CNIH4: variants seen among roughly 807,000 people sequenced by gnomAD.
CNIH4 encodes the protein protein cornichon homolog 4.
In CNIH4, 9 loss-of-function variants were observed where a neutral mutation model predicts 21.5. The observed-to-expected ratio is 0.42, with a 90% confidence interval of 0.25 to 0.73. The LOEUF (loss-of-function observed/expected upper bound fraction) is 0.73, where lower values mean the gene tolerates loss of function less well. Among genes scored for constraint, CNIH4 ranks in the 30% least tolerant of loss-of-function variants. The probability of loss-of-function intolerance (pLI) is 0.27; values close to 1 mark genes in which losing one functional copy is unlikely to be tolerated. For missense variants in CNIH4, 159 were observed against 170.0 expected (o/e 0.94, Z 0.36); for synonymous variants, 67 against 59.1 (o/e 1.13, Z -0.61).
intron 3 of CNIH4, among the ~76,000 whole-genome samples, chr1:224,366,627 G>A (rs1672463028): frequency 1.3e-5 from 2 of 152,026 alleles, no homozygotes; most frequent in South Asian, 4.1e-4. Flanking sequence ...GGGATTACAG[G>A]TGTGAGCCAC....
In CNIH4 at chr1:224,377,750, G is replaced by A. The variant is rs1234125607; in HGVS notation, c.*1928G>A. 1 of 152,244 alleles carries A rather than the reference G, an allele frequency of 6.6e-6. No homozygotes were observed. Among genetic ancestry groups the A allele is most frequent in the Non-Finnish European group, 1.5e-5 (1 of 68,126 alleles). The allele number at this position is 152,244 out of a possible 1,614,324, so 9.4% of individuals were successfully genotyped here. The stretch of plus-strand genomic sequence containing the variant: ...CTGCCTTGGTCTCCCAAAGTGCTGG[G>A]ATTATAGGTGTGAGCCACTGCGCCT... On this transcript the variant is annotated 3_prime_UTR_variant, in exon 5 of 5. Coordinates refer to ENST00000465271, the MANE Select transcript of CNIH4 (RefSeq NM_014184.4).
At position 224,377,842 on chromosome 1, in the gene CNIH4, C is replaced by T. The variant is rs1672822834; in HGVS notation, c.*2020C>T. ...ATTCAGATATTCTTAGTAACCAAAA[C>T]AGTGACTCATGCAGTTGAGAGAGCC... is the stretch of plus-strand genomic sequence containing the variant. On this transcript the variant is annotated 3_prime_UTR_variant, in exon 5 of 5. Transcript: ENST00000465271. The T allele has an allele frequency of 6.6e-6, 1 of 152,144 alleles. No individual in the cohort carries two copies. The highest frequency in any genetic ancestry group is 2.4e-5 in the African/African-American group (1 of 41,414). The allele number at this position is 152,144 out of a possible 1,614,324, so 9.4% of individuals were successfully genotyped here. A position where few individuals can be genotyped will look rare whatever the true frequency, so the allele number is the denominator to read the frequency against.
chr1:224,373,891 G>A (rs1558401363), intron 4 of CNIH4, among the ~76,000 whole-genome samples: 1 of 152,138 alleles, frequency 6.6e-6, no homozygotes, highest in Non-Finnish European at 1.5e-5. Flanking sequence ...TAATTTTGGG[G>A]CAGGTTTAAG....
chr1:224,365,457 G>C (rs185189038), intron 2 of CNIH4, among the ~76,000 whole-genome samples: 2 of 152,036 alleles, frequency 1.3e-5, no homozygotes, highest in East Asian at 3.8e-4. Context: ...TGGTTTCCTC[G>C]GGATTCTGGA....
At chr1:224,366,755 T>G (rs1409359008) in intron 3 of CNIH4, among the ~76,000 whole-genome samples, 1 of 150,462 alleles carries the variant, frequency 6.6e-6, no homozygotes, top group Non-Finnish European at 1.5e-5. Context: ...GGTCAGGAGA[T>G]CGAGACCATC....
intron 3 of CNIH4, among the ~76,000 whole-genome samples, chr1:224,366,885 G>T (rs1345024756): frequency 1.3e-5 from 2 of 151,748 alleles, no homozygotes; most frequent in Non-Finnish European, 2.9e-5. Context: ...ATGGCGTGAA[G>T]CCGGGAGGCG....
intron 2 of CNIH4, among the ~76,000 whole-genome samples, chr1:224,363,615 A>G (rs1672364244): frequency 6.6e-6 from 1 of 152,144 alleles, no homozygotes; most frequent in South Asian, 2.1e-4. Flanking sequence ...GTGCACCACC[A>G]TGCCTGGCTG....
chr1:224,358,725 T>A (rs1345651013), intron 1 of CNIH4, among the ~76,000 whole-genome samples: 1 of 152,158 alleles, frequency 6.6e-6, no homozygotes, highest in Non-Finnish European at 1.5e-5. Flanking sequence ...TGTAGCTGGG[T>A]TTTTTCTTTT....
rs1275436264 is a variant in CNIH4, at chr1:224,376,665, T to A, written c.*843T>A. The A allele has an allele frequency of 1.0e-6, 1 of 985,312 alleles. No individual in the cohort carries two copies. The highest frequency in any genetic ancestry group is 1.2e-6 in the Non-Finnish European group (1 of 829,950). The allele number at this position is 985,312 out of a possible 1,614,324, so 61.0% of individuals were successfully genotyped here. On this transcript the variant is annotated 3_prime_UTR_variant, in exon 5 of 5. Transcript: ENST00000465271. ...CTGTCTGTGAAATTGAGCCTTTTGG[T>A]GCGCCACGTGGTGCCAGATCAACAC... is the stretch of plus-strand genomic sequence containing the variant.
chr1:224,375,819 C>T lies in CNIH4; in HGVS notation c.417C>T (p.Asp139=). 1.9e-6 allele frequency: 3 copies of T among 1,613,994 alleles called. No individual in the cohort carries two copies. The highest frequency in any genetic ancestry group is 2.5e-6 in the Non-Finnish European group (3 of 1,179,962). The change falls in exon 5 of 5, where the codon GAC becomes GAT. Residue 139 remains aspartate, a synonymous_variant. Transcript: ENST00000465271. ...GTATGATCTTAGCTTTGATAAATGA[C>T]TGAAGCTGGAGAAGCCGTGGTTGAA... is the stretch of plus-strand genomic sequence containing the variant. ...LYSMILALIN[D] is the part of the protein sequence containing the mutation.
chr1:224,369,675 ATTT>A (rs1193576882), intron 3 of CNIH4, among the ~76,000 whole-genome samples: 4 of 127,612 alleles, frequency 3.1e-5, no homozygotes, highest in Non-Finnish European at 1.6e-5. Context: ...CCCTGATGTG[ATTT>A]TTTTTTTTTT....
rs756392228 is a variant in CNIH4, at chr1:224,365,874, T to G, written c.139-5T>G. The G allele has an allele frequency of 7.2e-6, 11 of 1,532,976 alleles. No individual in the cohort carries two copies. Among genetic ancestry groups the G allele is most frequent in the African/African-American group, 1.4e-5 (1 of 73,240 alleles). The allele number at this position is 1,532,976 out of a possible 1,614,324, so 95.0% of individuals were successfully genotyped here. ...GAGATGTAATACTGTGTTCTTCCAT[T>G]GCAGTGGGTAATTCCAGAATTGATT... On this transcript the variant is annotated splice_region_variant and splice_polypyrimidine_tract_variant and intron_variant, in intron 2 of 4. Coordinates refer to ENST00000465271, the MANE Select transcript of CNIH4 (RefSeq NM_014184.4).
chr1:224,362,303 C>T (rs1311833506), intron 2 of CNIH4, among the ~76,000 whole-genome samples: 2 of 150,590 alleles, frequency 1.3e-5, no homozygotes, highest in South Asian at 2.1e-4. Context: ...AGGATGGTCT[C>T]AATCTCCTGA....
At position 224,362,741 on chromosome 1, in the gene CNIH4, A is replaced by G. The variant is rs531551489; in HGVS notation, c.138+2178A>G. On this transcript the variant is annotated intron_variant, in intron 2 of 4. Coordinates refer to ENST00000465271, the MANE Select transcript of CNIH4 (RefSeq NM_014184.4). Reference sequence around the variant, plus strand: ...ATCTCCTGACCTCGTAATCTGCCCAAAGTGCTGGGATTACAGGCATGAGCC... The same window carrying G: ...ATCTCCTGACCTCGTAATCTGCCCAGAGTGCTGGGATTACAGGCATGAGCC... 1.8e-4 allele frequency among the ~76,000 whole-genome samples: 28 copies of G among 152,136 alleles called. 1 individual carries two copies. In the South Asian group the frequency reaches 5.4e-3, roughly 29 times the overall value.
intron 2 of CNIH4, among the ~76,000 whole-genome samples, chr1:224,364,919 GA>G (rs879373464): frequency 4.6e-3 from 607 of 130,790 alleles, no homozygotes; most frequent in East Asian, 0.019. Context: ...GCGACAGAGC[GA>G]AAAAAAAAAA....
intron 2 of CNIH4, among the ~76,000 whole-genome samples, chr1:224,361,161 GC>G (rs1316318533): frequency 1.3e-5 from 2 of 149,374 alleles, no homozygotes; most frequent in African/African-American, 2.5e-5. Context: ...TGTCACCCAG[GC>G]CGGAGTGCAG....
chr1:224,373,922 A>G (rs1050431697), intron 4 of CNIH4, among the ~76,000 whole-genome samples: 4 of 152,252 alleles, frequency 2.6e-5, no homozygotes, highest in Admixed American at 6.5e-5. Flanking sequence ...TTATAACTAA[A>G]TAAAAGATAG....
At chr1:224,361,834 T>A (rs549010606) in intron 2 of CNIH4, among the ~76,000 whole-genome samples, 1 of 151,720 alleles carries the variant, frequency 6.6e-6, no homozygotes, top group East Asian at 2.0e-4. Context: ...ATCTGCCCTC[T>A]TTGGCCTCCC....
In CNIH4 at chr1:224,371,278, A is replaced by G; in HGVS notation, c.252-5A>G. ...TTCTAATGTGTGTATCCTTTAATTT[A>G]TCAGATACATTATGGTGCCGAGTGG... On this transcript the variant is annotated splice_region_variant and splice_polypyrimidine_tract_variant and intron_variant, in intron 3 of 4. Transcript: ENST00000465271. 2 of 1,610,922 alleles carry G rather than the reference A, an allele frequency of 1.2e-6. No homozygotes were observed. Among genetic ancestry groups the G allele is most frequent in the South Asian group, 2.2e-5 (2 of 90,330 alleles).
Sources: allele counts gnomAD v4.1 joint callset (sites outside exome capture counted in the v4.1 genomes callset), GRCh38; gene constraint gnomAD v4.1.1; transcripts MANE v1.5; gene names NCBI Gene and HGNC (gene_info 2026-07-23, HGNC 2026-07-21).